The following SERINC5 variants were observed in gnomAD, a reference collection of about 807,000 sequenced individuals.
SERINC5 encodes the protein chromosome 5 open reading frame 12.
SERINC5 carries 41 observed loss-of-function variants against 63.1 expected under a neutral mutation model. The observed-to-expected ratio is 0.65, with a 90% CI of 0.51 to 0.84. SERINC5 has a LOEUF of 0.84. Ranked by LOEUF, SERINC5 falls within the 40% of genes least tolerant of loss-of-function variation. The pLI, the probability that SERINC5 is intolerant of heterozygous loss-of-function variation, is 0.00. For missense variants in SERINC5, 523 were observed against 573.0 expected (o/e 0.91, Z 0.89); for synonymous variants, 222 against 215.2 (o/e 1.03, Z -0.28).
At chr5:80,114,900 G>A (rs1744274133) in intron 11 of SERINC5, among the ~76,000 whole-genome samples, 1 of 151,998 alleles carries the variant, frequency 6.6e-6, no homozygotes, top group Non-Finnish European at 1.5e-5. Context: ...GAGTAAGGTG[G>A]AAGCAAACAT....
At position 80,178,028 on chromosome 5, in the gene SERINC5, C is replaced by T. The variant is rs1748153144; in HGVS notation, c.232G>A (p.Ala78Thr). The T allele has an allele frequency of 1.9e-6, 3 of 1,611,184 alleles. No homozygotes were observed. In the African/African-American group the frequency reaches 4.0e-5, roughly 22 times the overall value. ...FFEDMCKGIKAGDTCEKLVGY... is the reference protein window; with the variant it reads ...FFEDMCKGIKTGDTCEKLVGY... The stretch of plus-strand genomic sequence containing the variant: ...ACCAGCTTCTCACAGGTGTCACCAG[C>T]TTTAATGCCTTTACACATATCTTCA... The change falls in exon 3 of 12, where the codon GCT becomes ACT. Residue 78 changes from alanine (A) to threonine (T), a missense_variant. Coordinates refer to ENST00000507668, the MANE Select transcript of SERINC5 (RefSeq NM_001174072.3).
At chr5:80,155,283 G>C (rs1319444173) in intron 8 of SERINC5, among the ~76,000 whole-genome samples, 1 of 152,212 alleles carries the variant, frequency 6.6e-6, no homozygotes, top group Non-Finnish European at 1.5e-5. Flanking sequence ...GAGCCATCAG[G>C]GCTGGCCATG....
At chr5:80,117,399 C>G (rs1386841625) in intron 11 of SERINC5, among the ~76,000 whole-genome samples, 1 of 151,990 alleles carries the variant, frequency 6.6e-6, no homozygotes, top group Non-Finnish European at 1.5e-5. Context: ...AGCTTGGTAC[C>G]TAGCACATAT....
chr5:80,142,406 T>C lies in SERINC5; in HGVS notation c.*1257A>G. On this transcript the variant is annotated 3_prime_UTR_variant, in exon 12 of 12. Transcript: ENST00000507668. Reference sequence around the variant, plus strand: ...CGCTACCATGCCCGGCTAATTTTTCTATTTTTAATAGAGACAGGGTTTCAC... The same window carrying C: ...CGCTACCATGCCCGGCTAATTTTTCCATTTTTAATAGAGACAGGGTTTCAC... The C allele has an allele frequency of 2.2e-6, 2 of 898,134 alleles. No homozygotes were observed. The highest frequency in any genetic ancestry group is 1.3e-6 in the Non-Finnish European group (1 of 750,444). 55.6% of individuals were successfully genotyped at this position (898,134 alleles called of 1,614,324 possible). A position where few individuals can be genotyped will look rare whatever the true frequency, so the allele number is the denominator to read the frequency against.
downstream of SERINC5, among the ~76,000 whole-genome samples, chr5:80,138,506 G>C (rs1363174922): frequency 7.9e-5 from 12 of 151,992 alleles, no homozygotes; most frequent in Admixed American, 7.9e-4. Context: ...TGAGGCAAGA[G>C]AATCGCTTGA....
Position 80,208,480 on chromosome 5 carries a change from T to C in SERINC5, c.28-5427A>G, listed in dbSNP as rs367608276. The stretch of plus-strand genomic sequence containing the variant: ...CAGTAAATGGATGTTGGCTGAATAA[T>C]GTATGGTGAAGTCACAGTGGCAACA... On this transcript the variant is annotated intron_variant, in intron 1 of 11. Transcript: ENST00000507668. Among the ~76,000 whole-genome samples the C allele has an allele frequency of 4.6e-5, 7 of 152,132 alleles. No homozygotes were observed. The East Asian group carries it at 5.8e-4, about 13-fold the overall frequency.
rs1272861527 is a variant in SERINC5, at chr5:80,142,547, G to A, written c.*1116C>T. 17 of 985,240 alleles carry A rather than the reference G, an allele frequency of 1.7e-5. No individual in the cohort carries two copies. Among genetic ancestry groups the A allele is most frequent in the Non-Finnish European group, 2.0e-5 (17 of 829,946 alleles). 61.0% of individuals were successfully genotyped at this position (985,240 alleles called of 1,614,324 possible). A position where few individuals can be genotyped will look rare whatever the true frequency, so the allele number is the denominator to read the frequency against. On this transcript the variant is annotated 3_prime_UTR_variant, in exon 12 of 12. Transcript: ENST00000507668. ...CACATTGCCTAACAAGCTTCTTCTG[G>A]TCAGTGTGTCTGAGATCCTCACCTC...
At chr5:80,226,156 C>G (rs947924113) in intron 1 of SERINC5, among the ~76,000 whole-genome samples, 4 of 152,156 alleles carry the variant, frequency 2.6e-5, no homozygotes, top group African/African-American at 9.7e-5. Flanking sequence ...ACTCCCACTT[C>G]AAGCGATTCT....
In SERINC5 at chr5:80,202,997, C is replaced by G. The variant is rs1258143784; in HGVS notation, c.84G>C (p.Arg28Ser). The G allele has an allele frequency of 6.2e-7, 1 of 1,613,228 alleles. No individual in the cohort carries two copies. The change falls in exon 2 of 12, where the codon AGG becomes AGC. Residue 28 changes from arginine to serine, a missense_variant. By Grantham distance (110) the Arg-to-Ser change is moderately radical. Transcript: ENST00000507668. ...AGCGGGTGCTGAGGGACTGCCGAAT[C>G]CTGGGGCAGCAATCACAGCAGAGAG... Reference protein sequence around the residue: ...GCSLCCDCCPRIRQSLSTRFM... With the variant: ...GCSLCCDCCPSIRQSLSTRFM...
chr5:80,199,020 A>AT (rs1428758974), intron 2 of SERINC5, among the ~76,000 whole-genome samples: 1 of 151,962 alleles, frequency 6.6e-6, no homozygotes, highest in Non-Finnish European at 1.5e-5. Flanking sequence ...ACCTCCCAAA[A>AT]TATCTCCCTC....
chr5:80,199,223 T>A (rs529370050), intron 2 of SERINC5, among the ~76,000 whole-genome samples: 1 of 152,154 alleles, frequency 6.6e-6, no homozygotes, highest in Non-Finnish European at 1.5e-5. Context: ...TAAGAACATA[T>A]TCAGACCAGA....
Position 80,215,203 on chromosome 5 carries a change from T to TA in SERINC5, c.28-12151dup, listed in dbSNP as rs1750609152. The stretch of plus-strand genomic sequence containing the variant: ...GAATGGTTTACCACCATCCACTTGG[T>TA]ACTGTTCTCACAACAGGGAGTGTGT... On this transcript the variant is annotated intron_variant, in intron 1 of 11. Transcript: ENST00000507668. Among the ~76,000 whole-genome samples the TA allele has an allele frequency of 2.0e-5, 3 of 152,340 alleles. No homozygotes were observed. In the South Asian group the frequency reaches 6.2e-4, roughly 32 times the overall value.
Position 80,119,729 on chromosome 5 carries a change from T to C in SERINC5, c.1239-6104A>G, listed in dbSNP as rs541369882. On this transcript the variant is annotated intron_variant, in intron 11 of 12. Transcript: ENST00000509193. Reference sequence around the variant, plus strand: ...CAGAAGGGAAAGCTGTTCTGGTATATTACAAACATTACAGCACATCTGAAT... The same window carrying C: ...CAGAAGGGAAAGCTGTTCTGGTATACTACAAACATTACAGCACATCTGAAT... Among the ~76,000 whole-genome samples the C allele has an allele frequency of 4.6e-5, 7 of 152,356 alleles. No homozygotes were observed. In the South Asian group the frequency reaches 1.2e-3, roughly 27 times the overall value.
intron 1 of SERINC5, among the ~76,000 whole-genome samples, chr5:80,249,752 A>G (rs1455595225): frequency 1.3e-5 from 2 of 152,200 alleles, no homozygotes; most frequent in Non-Finnish European, 2.9e-5. Flanking sequence ...CAGTGAGCCA[A>G]GATCACGCCA....
intron 8 of SERINC5, among the ~76,000 whole-genome samples, chr5:80,151,933 G>A (rs1009766126): frequency 6.6e-5 from 10 of 150,786 alleles, no homozygotes; most frequent in Admixed American, 2.6e-4. Context: ...GCAACACTGC[G>A]CAGTCTCATC....
At chr5:80,237,759 A>C (rs1467512862) in intron 1 of SERINC5, among the ~76,000 whole-genome samples, 2 of 149,890 alleles carry the variant, frequency 1.3e-5, no homozygotes, top group African/African-American at 4.9e-5. Flanking sequence ...CTCTGCAAGA[A>C]AAAAAAAAAG....
chr5:80,127,652 T>C (rs1744795691), intron 11 of SERINC5, among the ~76,000 whole-genome samples: 1 of 152,134 alleles, frequency 6.6e-6, no homozygotes, highest in South Asian at 2.1e-4. Flanking sequence ...TTAAATTATA[T>C]GTTTTAAAAC....
At chr5:80,206,701 C>A (rs1482279602) in intron 1 of SERINC5, among the ~76,000 whole-genome samples, 2 of 152,014 alleles carry the variant, frequency 1.3e-5, no homozygotes. Context: ...ACTCACATGC[C>A]CCAATTTTAA....
intron 2 of SERINC5, among the ~76,000 whole-genome samples, chr5:80,200,932 A>G (rs1749797989): frequency 6.6e-6 from 1 of 151,454 alleles, no homozygotes; most frequent in African/African-American, 2.4e-5. Flanking sequence ...TATCTCTACT[A>G]AAGAAAGATA....
Sources: gnomAD v4.1 joint callset for allele counts (sites outside exome capture counted in the v4.1 genomes callset) on GRCh38, gnomAD v4.1.1 for gene constraint, MANE v1.5 for transcripts, NCBI Gene and HGNC (gene_info 2026-07-23, HGNC 2026-07-21) for gene names.